Variants in NFE2L3 observed in about 807,000 individuals in gnomAD.
NFE2L3 encodes the protein NFE2 like bZIP transcription factor 3.
Under a neutral mutation model 23.5 loss-of-function variants are expected in NFE2L3, and 18 were observed. That is an observed-to-expected ratio of 0.77 (90% CI 0.53 to 1.13). NFE2L3 has a LOEUF of 1.13. Ranked by LOEUF, NFE2L3 falls within the 50% of genes most tolerant of loss-of-function variation. The pLI is 0.00. For missense variants in NFE2L3, 1,152 were observed against 877.2 expected (o/e 1.31, Z -3.96); for synonymous variants, 424 against 354.5 (o/e 1.20, Z -2.20).
At position 26,152,474 on chromosome 7, in the gene NFE2L3, G is replaced by T; in HGVS notation, c.-25G>T. ...CGCCGGGACCCGCGGGCGCCGGCAG[G>T]GGCGTTCCCGGGCGCGCGGCGGCGA... On this transcript the variant is annotated 5_prime_UTR_variant, in exon 1 of 4. Transcript: ENST00000056233. The surrounding 1 kb of genome is among the most constrained non-coding windows in gnomAD (Gnocchi z 4.4). 7.8e-7 allele frequency: 1 copy of T among 1,276,422 alleles called. No individual in the cohort carries two copies. Among genetic ancestry groups the T allele is most frequent in the South Asian group, 3.0e-5 (1 of 33,512 alleles). 79.1% of individuals were successfully genotyped at this position (1,276,422 alleles called of 1,614,324 possible).
chr7:26,182,804 A>AATT (rs1426936494), intron 2 of NFE2L3, among the ~76,000 whole-genome samples: 6 of 152,148 alleles, frequency 3.9e-5, no homozygotes, highest in Non-Finnish European at 7.4e-5. Context: ...ATTGACTGTA[A>AATT]AAATATTTTT....
chr7:26,167,994 T>C (rs996169998), intron 1 of NFE2L3, among the ~76,000 whole-genome samples: 2 of 152,294 alleles, frequency 1.3e-5, no homozygotes, highest in Non-Finnish European at 2.9e-5. Flanking sequence ...GTGAGTTCTT[T>C]AGTGGCGATT....
chr7:26,178,994 G>A lies in NFE2L3; in HGVS notation c.750+872G>A, dbSNP rs1245453324. ...ATGCCCTGACCCTTCTCAGACAGCTGTCATCATGGTAGCCCTGGCCATGTA... is the reference window on the plus strand; with the variant it reads ...ATGCCCTGACCCTTCTCAGACAGCTATCATCATGGTAGCCCTGGCCATGTA... On this transcript the variant is annotated intron_variant, in intron 2 of 3. Coordinates refer to ENST00000056233, the MANE Select transcript of NFE2L3 (RefSeq NM_004289.7). Among the ~76,000 whole-genome samples, 4 of 152,106 alleles carry A rather than the reference G, an allele frequency of 2.6e-5. No individual in the cohort carries two copies. In the East Asian group the frequency reaches 5.8e-4, roughly 22 times the overall value.
intron 2 of NFE2L3, among the ~76,000 whole-genome samples, chr7:26,181,451 GT>G (rs1418879458): frequency 1.3e-5 from 2 of 152,090 alleles, no homozygotes; most frequent in Non-Finnish European, 2.9e-5. Flanking sequence ...ATGGGGACTG[GT>G]ACAATTCTAG....
chr7:26,174,459 AAG>A (rs1163961490), intron 1 of NFE2L3: 1 of 152,264 alleles, frequency 6.6e-6, no homozygotes, highest in African/African-American at 2.4e-5. Flanking sequence ...GTTGATGCAG[AAG>A]AGAGGGGAGA....
chr7:26,177,355 G>A (rs930734185), intron 1 of NFE2L3, among the ~76,000 whole-genome samples: 4 of 152,226 alleles, frequency 2.6e-5, no homozygotes, highest in Non-Finnish European at 2.9e-5. Flanking sequence ...CCAGCACCTC[G>A]GGAGGCCGAG....
Position 26,152,782 on chromosome 7 carries a change from T to C in NFE2L3, c.284T>C (p.Val95Ala), listed in dbSNP as rs1784017462. ...CCCGAGGGCCAGCTGCTCCGGGAGGTGCGCGCGCTCGGGGTCCCCTTCGTC... is the reference window on the plus strand; with the variant it reads ...CCCGAGGGCCAGCTGCTCCGGGAGGCGCGCGCGCTCGGGGTCCCCTTCGTC... ...APPEGQLLRE[V>A]RALGVPFVPR... Residue 95 changes from valine (V) to alanine (A), a missense_variant, in exon 1 of 4, where the codon GTG becomes GCG. By Grantham distance (64) the Val-to-Ala change is moderately conservative. Coordinates refer to ENST00000056233, the MANE Select transcript of NFE2L3 (RefSeq NM_004289.7). This position sits in a 1 kb window ranked among gnomAD's most constrained non-coding sequence, Gnocchi z 4.4. The C allele has an allele frequency of 4.7e-6, 7 of 1,484,536 alleles. No homozygotes were observed. Among genetic ancestry groups the C allele is most frequent in the Non-Finnish European group, 6.2e-6 (7 of 1,125,134 alleles). The allele number at this position is 1,484,536 out of a possible 1,614,324, so 92.0% of individuals were successfully genotyped here.
At chr7:26,177,882 A>G in intron 1 of NFE2L3, 61 bp from the exon 2 acceptor site, 3 of 1,439,002 alleles carry the variant, frequency 2.1e-6, no homozygotes, top group Non-Finnish European at 2.9e-6. Context: ...TCCCTGAACA[A>G]TAAGCACAAT....
rs765762057 is a variant in NFE2L3 at position 26,185,095 on chromosome 7, G to A, written c.1397G>A (p.Gly466Asp). Residue 466 changes from glycine (G) to aspartate (D), a missense_variant, in exon 4 of 4, where the codon GGT becomes GAT. By Grantham distance (94) the Gly-to-Asp change is moderately conservative. Coordinates refer to ENST00000056233, the MANE Select transcript of NFE2L3 (RefSeq NM_004289.7). ...CATCATGACTTAGAAGGTGCTGTAG[G>A]TGGCTACTACCCAGAACCCAGTAAG... ...SSHHDLEGAV[G>D]GYYPEPSKLC... The A allele has an allele frequency of 2.5e-6, 4 of 1,613,730 alleles. No individual in the cohort carries two copies. In the Admixed American group the frequency reaches 5.0e-5, roughly 20 times the overall value.
chr7:26,185,555 T>G lies in NFE2L3; in HGVS notation c.1857T>G (p.Thr619=), dbSNP rs140562009. ...DVCNLQAKKE[T]LKREQAQCNK... ...GTAACTTGCAAGCAAAGAAGGAAAC[T>G]CTTAAGAGAGAGCAAGCACAATGTA... Residue 619 remains threonine (T), a synonymous_variant, in exon 4 of 4, where the codon ACT becomes ACG. Coordinates refer to ENST00000056233, the MANE Select transcript of NFE2L3 (RefSeq NM_004289.7). 3.4e-4 allele frequency: 550 copies of G among 1,613,720 alleles called. No homozygotes were observed. The highest frequency in any genetic ancestry group is 4.4e-4 in the Non-Finnish European group (517 of 1,179,794).
intron 1 of NFE2L3, among the ~76,000 whole-genome samples, chr7:26,164,852 A>G (rs1447723521): frequency 6.6e-6 from 1 of 152,204 alleles, no homozygotes; most frequent in African/African-American, 2.4e-5. Context: ...TAAGGAAAGG[A>G]TACAATTTCA....
chr7:26,184,217 A>G (rs893878156), intron 3 of NFE2L3: 5 of 347,428 alleles, frequency 1.4e-5, no homozygotes, highest in East Asian at 6.1e-5. Context: ...GTGATTACCA[A>G]CCGCTAGGAT....
At chr7:26,176,023 G>A (rs894657571) in intron 1 of NFE2L3, among the ~76,000 whole-genome samples, 5 of 151,786 alleles carry the variant, frequency 3.3e-5, no homozygotes, top group Admixed American at 2.6e-4. Flanking sequence ...CGCAGTGTTT[G>A]TGTCCCTGGG....
intron 1 of NFE2L3, among the ~76,000 whole-genome samples, chr7:26,157,741 A>T (rs899379756): frequency 2.6e-5 from 4 of 152,228 alleles, no homozygotes; most frequent in Non-Finnish European, 5.9e-5. Context: ...AAGTTACTGT[A>T]TGAATTTGCT....
chr7:26,170,939 G>T (rs1330058954), intron 1 of NFE2L3, among the ~76,000 whole-genome samples: 1 of 152,116 alleles, frequency 6.6e-6, no homozygotes, highest in African/African-American at 2.4e-5. Flanking sequence ...TGTTTCTGTA[G>T]TCCCAGCTAC....
At chr7:26,157,962 C>G (rs1247580197) in intron 1 of NFE2L3, among the ~76,000 whole-genome samples, 1 of 152,200 alleles carries the variant, frequency 6.6e-6, no homozygotes, top group Non-Finnish European at 1.5e-5. Flanking sequence ...ATCACCTGAG[C>G]TCTGCCTTCA....
chr7:26,159,034 C>G (rs1241947646), intron 1 of NFE2L3, among the ~76,000 whole-genome samples: 1 of 152,192 alleles, frequency 6.6e-6, no homozygotes, highest in Non-Finnish European at 1.5e-5. Context: ...ATTGTGTTGT[C>G]AGGTGCAGGT....
At position 26,178,065 on chromosome 7, in the gene NFE2L3, C is replaced by G; in HGVS notation, c.693C>G (p.Asn231Lys). 6.2e-7 allele frequency: 1 copy of G among 1,613,880 alleles called. No homozygotes were observed. The highest frequency in any genetic ancestry group is 8.5e-7 in the Non-Finnish European group (1 of 1,179,888). ...TTCAGCAGAATGATGATGATGAAAA[C>G]AAAATAGCAGAGAAACCTGACTGGG... is the stretch of plus-strand genomic sequence containing the variant. Reference protein sequence around the residue: ...NSLQQNDDDENKIAEKPDWEA... With the variant: ...NSLQQNDDDEKKIAEKPDWEA... The change falls in exon 2 of 4, where the codon AAC (asparagine) becomes AAG (lysine). Residue 231 changes from asparagine (N) to lysine (K), a missense_variant. Coordinates refer to ENST00000056233, the MANE Select transcript of NFE2L3 (RefSeq NM_004289.7).
chr7:26,175,943 G>GAGAAGGTCAGC (rs1784397773), intron 1 of NFE2L3, among the ~76,000 whole-genome samples: 1 of 149,998 alleles, frequency 6.7e-6, no homozygotes, highest in African/African-American at 2.5e-5. Flanking sequence ...TAATAGTGGA[G>GAGAAGGTCAGC]AGAAGGTCAG....
Sources: allele counts gnomAD v4.1 joint callset (sites outside exome capture counted in the v4.1 genomes callset), GRCh38; gene constraint gnomAD v4.1.1; non-coding constraint Gnocchi (gnomAD v3.1); transcripts MANE v1.5; gene names NCBI Gene and HGNC (gene_info 2026-07-23, HGNC 2026-07-21).